MAML3: variants seen among roughly 807,000 people sequenced by gnomAD.
MAML3 encodes the protein mastermind like transcriptional coactivator 3.
MAML3 carries 27 observed loss-of-function variants against 101.9 expected under a neutral mutation model. The ratio of observed to expected loss-of-function variants is 0.27; its 90% CI spans 0.20 to 0.37. MAML3 has a LOEUF of 0.37. Among genes scored for constraint, MAML3 ranks in the 10% least tolerant of loss-of-function variants. The pLI, the probability that MAML3 is intolerant of heterozygous loss-of-function variation, is 1.00. For missense variants in MAML3, 1,316 were observed against 1,444.9 expected, an observed-to-expected ratio of 0.91 and a Z score of 1.45; for synonymous variants, 501 against 555.9, an observed-to-expected ratio of 0.90 and a Z score of 1.39.
At chr4:139,861,309 C>T (rs1731778630) in intron 2 of MAML3, among the ~76,000 whole-genome samples, 1 of 152,092 alleles carries the variant, frequency 6.6e-6, no homozygotes, top group Admixed American at 6.6e-5. Flanking sequence ...TCTCTTCTCC[C>T]TGTATGATTT....
In MAML3 at chr4:140,153,137, G is replaced by A. The variant is rs1729206797; in HGVS notation, c.191C>T (p.Ser64Leu). The change falls in exon 1 of 5, where the codon TCG (serine) becomes TTG (leucine). Residue 64 changes from serine to leucine, a missense_variant. Transcript: ENST00000509479. ...CGGSGGPGGG[S>L]AAVPKHSTVV... ...GGTGCTGTGCTTGGGAACGGCCGCC[G>A]AACCGCCGCCGGGGCCCCCGGAGCC... The A allele has an allele frequency of 5.2e-6, 8 of 1,550,154 alleles. No individual in the cohort carries two copies. The East Asian group carries it at 2.0e-4, about 38-fold the overall frequency.
At chr4:139,888,587 C>T (rs374926511) in intron 2 of MAML3, 3 of 518,886 alleles carry the variant, frequency 5.8e-6, no homozygotes, top group African/African-American at 1.9e-5. Context: ...ATTCACTTCC[C>T]GACTGGTTGC....
At position 140,091,854 on chromosome 4, in the gene MAML3, C is replaced by A. The variant is rs117803379; in HGVS notation, c.468+61006G>T. ...GCAACCTTCCTCTCTTCGAGGACTG[C>A]AACCTTCTTCTCTCCAAGGACCCCA... On this transcript the variant is annotated intron_variant, in intron 1 of 4. Transcript: ENST00000509479. 3.2e-4 allele frequency among the ~76,000 whole-genome samples: 48 copies of A among 152,032 alleles called. No individual in the cohort carries two copies. In the East Asian group the frequency reaches 9.1e-3, roughly 29 times the overall value.
intron 1 of MAML3, among the ~76,000 whole-genome samples, chr4:139,997,102 ACT>A (rs781302511): frequency 2.9e-4 from 39 of 134,032 alleles, no homozygotes; most frequent in Non-Finnish European, 5.0e-4. Flanking sequence ...TTTTTTTGAG[ACT>A]CTGTCTCAAA....
intron 2 of MAML3, among the ~76,000 whole-genome samples, chr4:139,750,723 C>T (rs1190671555): frequency 2.0e-5 from 3 of 152,132 alleles, no homozygotes; most frequent in African/African-American, 7.2e-5. Context: ...TATATTCTAC[C>T]TAAAAATGGC....
chr4:139,793,382 T>C (rs1397102346), intron 2 of MAML3, among the ~76,000 whole-genome samples: 1 of 151,800 alleles, frequency 6.6e-6, no homozygotes, highest in Non-Finnish European at 1.5e-5. Flanking sequence ...AAATCTCCAT[T>C]GACTTTGTGG....
At position 139,719,290 on chromosome 4, in the gene MAML3, C is replaced by G; in HGVS notation, c.*33G>C. On this transcript the variant is annotated 3_prime_UTR_variant, in exon 5 of 5. Transcript: ENST00000509479. The stretch of plus-strand genomic sequence containing the variant: ...TCTTTTTCACTTTTTAAGCTTTAAC[C>G]ACTCGAGTTGTGGATCTTGGGGCCT... 1 of 1,530,042 alleles carries G rather than the reference C, an allele frequency of 6.5e-7. No individual in the cohort carries two copies. The highest frequency in any genetic ancestry group is 1.3e-5 in the South Asian group (1 of 77,632). 94.8% of individuals were successfully genotyped at this position (1,530,042 alleles called of 1,614,324 possible). A position where few individuals can be genotyped will look rare whatever the true frequency, so the allele number is the denominator to read the frequency against.
At chr4:139,837,272 G>A (rs946819782) in intron 2 of MAML3, among the ~76,000 whole-genome samples, 11 of 151,962 alleles carry the variant, frequency 7.2e-5, no homozygotes, top group African/African-American at 2.4e-4. Flanking sequence ...CGAGACGGGC[G>A]GATCACGAGG....
intron 4 of MAML3, among the ~76,000 whole-genome samples, chr4:139,722,996 G>A (rs555537407): frequency 5.3e-5 from 8 of 152,332 alleles, no homozygotes; most frequent in African/African-American, 1.2e-4. Flanking sequence ...TCCACGTCAC[G>A]AATAGAAAAT....
chr4:140,101,777 G>A (rs942251387), intron 1 of MAML3, among the ~76,000 whole-genome samples: 1 of 151,686 alleles, frequency 6.6e-6, no homozygotes, highest in African/African-American at 2.4e-5. Flanking sequence ...TCATCATTTT[G>A]CAAATATGTT....
At chr4:139,865,691 A>C (rs795982) in intron 2 of MAML3, among the ~76,000 whole-genome samples, 125,596 of 152,126 alleles carry the variant, frequency 0.83, 52,453 homozygotes, top group African/African-American at 0.95. Flanking sequence ...TAATCTCCTC[A>C]CCAAGTCTTT....
intron 2 of MAML3, among the ~76,000 whole-genome samples, chr4:139,803,224 C>A (rs935682332): frequency 3.3e-5 from 5 of 152,046 alleles, no homozygotes; most frequent in African/African-American, 1.2e-4. Context: ...TCACTGCATG[C>A]CAGTCTGGGC....
At chr4:139,889,007 GC>G (rs978594905) in intron 2 of MAML3, among the ~76,000 whole-genome samples, 59 of 152,328 alleles carry the variant, frequency 3.9e-4, no homozygotes, top group African/African-American at 1.3e-3. Context: ...CTGGGATCAT[GC>G]AAGCTGGGAG....
chr4:139,837,984 G>A (rs947199723), intron 2 of MAML3, among the ~76,000 whole-genome samples: 4 of 151,976 alleles, frequency 2.6e-5, no homozygotes, highest in Admixed American at 6.6e-5. Context: ...CTTTTTGGCT[G>A]GGTAAATAAG....
chr4:139,804,419 A>ACC (rs2111106101), intron 2 of MAML3, among the ~76,000 whole-genome samples: 1 of 152,136 alleles, frequency 6.6e-6, no homozygotes, highest in African/African-American at 2.4e-5. Context: ...GGTGCCCGCC[A>ACC]CCATGCCTGG....
At chr4:139,964,199 C>G (rs916480649) in intron 1 of MAML3, among the ~76,000 whole-genome samples, 3 of 152,146 alleles carry the variant, frequency 2.0e-5, no homozygotes, top group African/African-American at 7.2e-5. Context: ...AAATGCCCAT[C>G]AATGATAGAC....
rs1018646715 is a variant in MAML3, at chr4:140,153,602, C to A, written c.-275G>T. ...AGACACCTATCAACAAAAAGAATCA[C>A]AACAAACTGAGCCAGCAGCAAATCG... On this transcript the variant is annotated 5_prime_UTR_variant, in exon 1 of 5. Coordinates refer to ENST00000509479, the MANE Select transcript of MAML3 (RefSeq NM_018717.5). The A allele has an allele frequency of 3.7e-5, 15 of 402,216 alleles. No homozygotes were observed. The highest frequency in any genetic ancestry group is 8.4e-5 in the Admixed American group (2 of 23,688). 24.9% of individuals were successfully genotyped at this position (402,216 alleles called of 1,614,324 possible). A position where few individuals can be genotyped will look rare whatever the true frequency, so the allele number is the denominator to read the frequency against.
intron 1 of MAML3, among the ~76,000 whole-genome samples, chr4:140,138,684 G>A (rs576710265): frequency 5.1e-4 from 77 of 152,114 alleles, no homozygotes; most frequent in Non-Finnish European, 8.1e-4. Context: ...GAGGGGAAAC[G>A]ATGGACTGAA....
chr4:139,911,516 C>A (rs1417536750), intron 1 of MAML3, among the ~76,000 whole-genome samples: 2 of 152,158 alleles, frequency 1.3e-5, no homozygotes, highest in Non-Finnish European at 2.9e-5. Flanking sequence ...CTGCGCCCAG[C>A]CCAGAATTTC....
Sources: allele counts gnomAD v4.1 joint callset (sites outside exome capture counted in the v4.1 genomes callset), GRCh38; gene constraint gnomAD v4.1.1; transcripts MANE v1.5; gene names NCBI Gene and HGNC (gene_info 2026-07-23, HGNC 2026-07-21).